Variants in UBXN2A observed in about 807,000 individuals in gnomAD.
UBXN2A encodes UBX domain protein 2A.
In UBXN2A, 28 loss-of-function variants were observed where a neutral mutation model predicts 28.4. That is an observed-to-expected ratio of 0.99 (90% confidence interval 0.73 to 1.35). The LOEUF (loss-of-function observed/expected upper bound fraction) is 1.35. Ranked by LOEUF, UBXN2A falls within the 40% of genes most tolerant of loss-of-function variation. UBXN2A has a pLI of 0.00. For missense variants in UBXN2A, 253 were observed against 297.9 expected (o/e 0.85, Z 1.11); for synonymous variants, 97 against 103.6 (o/e 0.94, Z 0.39).
intron 6 of UBXN2A, among the ~76,000 whole-genome samples, chr2:23,991,912 C>T (rs995150368): frequency 6.6e-6 from 1 of 152,170 alleles, no homozygotes; most frequent in Non-Finnish European, 1.5e-5. Context: ...GTCCCTCAGC[C>T]TCCCAAGTAG....
At chr2:23,929,755 T>C (rs1705315542) in intron 1 of UBXN2A, among the ~76,000 whole-genome samples, 1 of 151,860 alleles carries the variant, frequency 6.6e-6, no homozygotes, top group South Asian at 2.1e-4. Flanking sequence ...CCTGCAGAGG[T>C]GTGTGGTATG....
chr2:23,992,642 AATGC>A (rs945934780), intron 6 of UBXN2A, among the ~76,000 whole-genome samples: 40 of 152,282 alleles, frequency 2.6e-4, no homozygotes, highest in African/African-American at 9.6e-4. Flanking sequence ...TGTTTCCTCA[AATGC>A]CAAGGTGCCA....
chr2:23,959,237 A>G (rs1438375849), intron 2 of UBXN2A, among the ~76,000 whole-genome samples: 1 of 152,148 alleles, frequency 6.6e-6, no homozygotes, highest in Non-Finnish European at 1.5e-5. Context: ...CACGCCTGTA[A>G]TCTCAGCACT....
upstream of UBXN2A, among the ~76,000 whole-genome samples, chr2:23,938,299 C>G (rs1705596041): frequency 6.6e-6 from 1 of 152,066 alleles, no homozygotes; most frequent in African/African-American, 2.4e-5. Flanking sequence ...AACCCTGTCT[C>G]TACTAAAAAT....
At chr2:23,943,112 T>G (rs1705854328) in intron 1 of UBXN2A, among the ~76,000 whole-genome samples, 1 of 151,572 alleles carries the variant, frequency 6.6e-6, no homozygotes, top group Non-Finnish European at 1.5e-5. Flanking sequence ...TGCGCCACCA[T>G]GCCTGGCTAG....
At chr2:23,996,995 A>G (rs946800896) in intron 6 of UBXN2A, 1 of 152,088 alleles carries the variant, frequency 6.6e-6, no homozygotes, top group African/African-American at 2.4e-5. Flanking sequence ...GCCATAGCAC[A>G]CTACAGCCCC....
intron 5 of UBXN2A, 80 bp downstream of exon 5, chr2:23,983,113 C>A (rs1290432595): frequency 2.2e-6 from 3 of 1,358,826 alleles, no homozygotes; most frequent in Non-Finnish European, 2.9e-6. Context: ...CCCATGTAGA[C>A]CACATGAATG....
chr2:23,981,023 C>A (rs779169495), intron 4 of UBXN2A, among the ~76,000 whole-genome samples: 1 of 151,862 alleles, frequency 6.6e-6, no homozygotes, highest in Non-Finnish European at 1.5e-5. Context: ...ACATGATTTG[C>A]GAATATTTTC....
intron 1 of UBXN2A, among the ~76,000 whole-genome samples, chr2:23,952,440 T>C (rs1706419409): frequency 6.6e-6 from 1 of 152,062 alleles, no homozygotes; most frequent in South Asian, 2.1e-4. Flanking sequence ...ATTTATTTTT[T>C]ATTTTTATTT....
chr2:23,963,324 G>A (rs943831378), intron 2 of UBXN2A, among the ~76,000 whole-genome samples: 2 of 152,020 alleles, frequency 1.3e-5, no homozygotes, highest in Non-Finnish European at 2.9e-5. Context: ...AGACCAGCCT[G>A]ACCAACATGG....
intron 1 of UBXN2A, among the ~76,000 whole-genome samples, chr2:23,952,500 AATGGCGCGATGT>A (rs1558284137): frequency 6.6e-6 from 1 of 152,028 alleles, no homozygotes; most frequent in Admixed American, 6.6e-5. Flanking sequence ...GCTGGAGTGC[AATGGCGCGATGT>A]CAGCTCACCA....
At chr2:23,927,845 A>G (rs1369384706) in intron 1 of UBXN2A, among the ~76,000 whole-genome samples, 2 of 152,200 alleles carry the variant, frequency 1.3e-5, no homozygotes, top group Non-Finnish European at 2.9e-5. Flanking sequence ...TTTAACTTCC[A>G]AAGAAAAAAA....
chr2:23,936,556 AGAG>A (rs934006352), upstream of UBXN2A, among the ~76,000 whole-genome samples: 6 of 150,722 alleles, frequency 4.0e-5, no homozygotes, highest in Admixed American at 2.0e-4. Context: ...AAAAAAAAAA[AGAG>A]AGAAAGAAAG....
rs1020858056 is a variant in UBXN2A at position 23,966,166 on chromosome 2, A to C, written c.42-5110A>C. Among the ~76,000 whole-genome samples, 47 of 151,408 alleles carry C rather than the reference A, an allele frequency of 3.1e-4. 1 individual carries two copies. Among genetic ancestry groups the C allele is most frequent in the African/African-American group, 1.1e-3 (46 of 41,196 alleles). On this transcript the variant is annotated intron_variant, in intron 2 of 6. Transcript: ENST00000309033. ...TTTCTTTTTTTTTTTTAAAGACAGAATCTCTCTTTGTCGCCAGGCTGGAGT... is the reference window on the plus strand; with the variant it reads ...TTTCTTTTTTTTTTTTAAAGACAGACTCTCTCTTTGTCGCCAGGCTGGAGT...
At position 24,000,333 on chromosome 2, in the gene UBXN2A, ACAGATT is replaced by A; in HGVS notation, c.*467_*472del. Reference sequence around the variant, plus strand: ...CCGAGACAGGCAGATCACGAGGTCAACAGATTGAGACCATCCTGGCAAACATGGTGA... The same window carrying A: ...CCGAGACAGGCAGATCACGAGGTCAAGAGACCATCCTGGCAAACATGGTGA... On this transcript the variant is annotated 3_prime_UTR_variant, in exon 7 of 7. Coordinates refer to ENST00000309033, the MANE Select transcript of UBXN2A (RefSeq NM_181713.4). 1 of 153,162 alleles carries A rather than the reference ACAGATT, an allele frequency of 6.5e-6. No homozygotes were observed. Among genetic ancestry groups the A allele is most frequent in the Non-Finnish European group, 1.5e-5 (1 of 68,772 alleles). 9.5% of individuals were successfully genotyped at this position (153,162 alleles called of 1,614,324 possible). A position where few individuals can be genotyped will look rare whatever the true frequency, so the allele number is the denominator to read the frequency against.
At chr2:23,957,261 C>T (rs1033165485) in intron 1 of UBXN2A, among the ~76,000 whole-genome samples, 9 of 151,906 alleles carry the variant, frequency 5.9e-5, no homozygotes, top group Non-Finnish European at 8.8e-5. Context: ...AGCACCTCAA[C>T]TTCCTGAGTA....
intron 1 of UBXN2A, among the ~76,000 whole-genome samples, chr2:23,948,843 A>C (rs944650723): frequency 2.0e-5 from 3 of 152,158 alleles, no homozygotes; most frequent in African/African-American, 7.2e-5. Flanking sequence ...TCAGTACCTT[A>C]TAACTGTAAA....
chr2:23,938,095 TA>T (rs1239757439), upstream of UBXN2A, among the ~76,000 whole-genome samples: 2 of 152,210 alleles, frequency 1.3e-5, no homozygotes, highest in East Asian at 3.9e-4. Context: ...CGCACGACTA[TA>T]AATGCAAAAA....
intron 6 of UBXN2A, among the ~76,000 whole-genome samples, chr2:23,990,837 A>C (rs1360574778): frequency 6.6e-6 from 1 of 152,148 alleles, no homozygotes; most frequent in South Asian, 2.1e-4. Flanking sequence ...CCAAAAACAT[A>C]ATGTAGAGAT....
Sources: gnomAD v4.1 joint callset for allele counts (sites outside exome capture counted in the v4.1 genomes callset) on GRCh38, gnomAD v4.1.1 for gene constraint, MANE v1.5 for transcripts, NCBI Gene and HGNC (gene_info 2026-07-23, HGNC 2026-07-21) for gene names.